Variants in CSRP1 observed in about 807,000 individuals in gnomAD.
CSRP1 encodes cysteine and glycine rich protein 1, also known as cysteine and glycine-rich protein 1.
Under a neutral mutation model 25.4 loss-of-function variants are expected in CSRP1, and 16 were observed. The ratio of observed to expected loss-of-function variants is 0.63; its 90% CI spans 0.43 to 0.96. The LOEUF (loss-of-function observed/expected upper bound fraction) is 0.96, where lower values mean the gene tolerates loss of function less well. Ranked by LOEUF, CSRP1 falls within the 40% of genes least tolerant of loss-of-function variation. The pLI is 0.00. For missense variants in CSRP1, 212 were observed against 243.6 expected (o/e 0.87, Z 0.86); for synonymous variants, 97 against 95.3 (o/e 1.02, Z -0.10).
intron 1 of CSRP1, among the ~76,000 whole-genome samples, chr1:201,505,919 T>C (rs1292518470): frequency 6.6e-6 from 1 of 152,152 alleles, no homozygotes; most frequent in Non-Finnish European, 1.5e-5. Flanking sequence ...CCAGCCTCCT[T>C]AGCTTCTGGG....
chr1:201,501,380 T>A (rs1421578073), intron 1 of CSRP1, among the ~76,000 whole-genome samples: 1 of 152,264 alleles, frequency 6.6e-6, no homozygotes, highest in African/African-American at 2.4e-5. Flanking sequence ...CTTTGGGGTT[T>A]AGCTCCCCCC....
Position 201,505,136 on chromosome 1 carries a change from G to A in CSRP1, c.-2+1934C>T, listed in dbSNP as rs572040213. On this transcript the variant is annotated intron_variant, in intron 1 of 5. Coordinates refer to ENST00000340006, the MANE Select transcript of CSRP1 (RefSeq NM_004078.3). The stretch of plus-strand genomic sequence containing the variant: ...ACAAAAAAGCCCAAAAAAAACCTAC[G>A]CCTTTTTTCTCTCACCTGCTTGTCA... 7.2e-5 allele frequency among the ~76,000 whole-genome samples: 11 copies of A among 152,188 alleles called. No individual in the cohort carries two copies. The East Asian group carries it at 1.9e-3, about 27-fold the overall frequency.
intron 2 of CSRP1, among the ~76,000 whole-genome samples, chr1:201,493,143 C>A (rs1188557258): frequency 6.6e-6 from 1 of 152,202 alleles, no homozygotes; most frequent in Admixed American, 6.5e-5. Context: ...TCTGAACCAC[C>A]ACCTGCTCAT....
At chr1:201,502,931 T>G (rs1213388878) in intron 1 of CSRP1, among the ~76,000 whole-genome samples, 1 of 151,378 alleles carries the variant, frequency 6.6e-6, no homozygotes, top group Non-Finnish European at 1.5e-5. Context: ...GGTCAGGAGT[T>G]TGAGACCAGC....
rs1002657870 is a variant in CSRP1 at position 201,484,284 on chromosome 1, C to G, written c.*429G>C. The G allele has an allele frequency of 1.2e-5, 6 of 510,996 alleles. No homozygotes were observed. Among genetic ancestry groups the G allele is most frequent in the Non-Finnish European group, 2.1e-5 (6 of 285,296 alleles). The allele number at this position is 510,996 out of a possible 1,614,324, so 31.7% of individuals were successfully genotyped here. A position where few individuals can be genotyped will look rare whatever the true frequency, so the allele number is the denominator to read the frequency against. On this transcript the variant is annotated 3_prime_UTR_variant, in exon 6 of 6. Transcript: ENST00000340006. ...AGGAGAATCTCTGAGATCCAAAAAA[C>G]CCAGCCTTCCCCCCTCCTCATCTTG...
At chr1:201,493,879 T>C (rs1051566020) in intron 2 of CSRP1, among the ~76,000 whole-genome samples, 1 of 152,198 alleles carries the variant, frequency 6.6e-6, no homozygotes, top group African/African-American at 2.4e-5. Context: ...CTTCCATTCA[T>C]AAACAAATCT....
intron 4 of CSRP1, chr1:201,486,532 C>T (rs1664149511): frequency 1.0e-6 from 1 of 985,894 alleles, no homozygotes; most frequent in African/African-American, 1.7e-5. Context: ...GGACCTGGGT[C>T]TAGGTCAGTG....
intron 1 of CSRP1, among the ~76,000 whole-genome samples, chr1:201,498,095 T>C (rs1571785123): frequency 6.6e-6 from 1 of 152,036 alleles, no homozygotes; most frequent in Non-Finnish European, 1.5e-5. Flanking sequence ...CAAGGCACAG[T>C]ACTTGGCACA....
chr1:201,484,242 C>CA lies in CSRP1; in HGVS notation c.*470dup. 1 of 509,566 alleles carries CA rather than the reference C, an allele frequency of 2.0e-6. No homozygotes were observed. The highest frequency in any genetic ancestry group is 3.5e-6 in the Non-Finnish European group (1 of 283,736). 31.6% of individuals were successfully genotyped at this position (509,566 alleles called of 1,614,324 possible). ...TTACTCTGAGGGACACCAGGAAGCT[C>CA]AACCTCTTTCCCACAGAGGAGAATC... On this transcript the variant is annotated 3_prime_UTR_variant, in exon 6 of 6. Transcript: ENST00000340006.
intron 1 of CSRP1, chr1:201,496,646 A>C (rs1571783658): frequency 9.5e-6 from 3 of 317,064 alleles, no homozygotes; most frequent in East Asian, 7.4e-5. Context: ...CTACCCCTAC[A>C]CACGTCAACA....
intron 1 of CSRP1, 117 bp from the exon 2 acceptor site, chr1:201,496,421 C>G: frequency 1.2e-5 from 10 of 847,070 alleles, no homozygotes; most frequent in Non-Finnish European, 1.7e-5. Flanking sequence ...AAGTAGAATG[C>G]CTGGGGGGCC....
chr1:201,488,475 T>A, intron 4 of CSRP1: 1 of 155,310 alleles, frequency 6.4e-6, no homozygotes, highest in Non-Finnish European at 1.4e-5. Flanking sequence ...TAATAAAAGC[T>A]ATGGATCTTC....
intron 1 of CSRP1, among the ~76,000 whole-genome samples, chr1:201,505,418 G>A (rs913555932): frequency 5.9e-5 from 9 of 152,188 alleles, no homozygotes; most frequent in African/African-American, 1.7e-4. Flanking sequence ...ACAGACCACA[G>A]GCAAATAGGC....
At chr1:201,494,792 T>C (rs916021558) in intron 2 of CSRP1, among the ~76,000 whole-genome samples, 14 of 152,134 alleles carry the variant, frequency 9.2e-5, no homozygotes, top group Non-Finnish European at 1.5e-4. Flanking sequence ...CTTCTTTGTA[T>C]CACACCATCT....
intron 5 of CSRP1, 101 bp from the exon 6 acceptor site, chr1:201,484,890 A>G (rs1358097886): frequency 5.9e-6 from 6 of 1,017,646 alleles, no homozygotes; most frequent in Non-Finnish European, 8.9e-6. Flanking sequence ...GCCCAGCCAG[A>G]CTGCTAGGGA....
rs755432777 is a variant in CSRP1 at position 201,484,767 on chromosome 1, C to T, written c.528G>A (p.Gly176=). The T allele has an allele frequency of 4.3e-6, 7 of 1,611,992 alleles. No individual in the cohort carries two copies. The highest frequency in any genetic ancestry group is 5.9e-6 in the Non-Finnish European group (7 of 1,179,702). Residue 176 remains glycine, a synonymous_variant, in exon 6 of 6, where the codon GGG becomes GGA. Coordinates refer to ENST00000340006, the MANE Select transcript of CSRP1 (RefSeq NM_004078.3). ...CTTGCCCAAAACCAAAGCCCTTGGGCCCGAAGTTTTTAGCATAACATCCTG... is the reference window on the plus strand; with the variant it reads ...CTTGCCCAAAACCAAAGCCCTTGGGTCCGAAGTTTTTAGCATAACATCCTG... ...YCKGCYAKNF[G]PKGFGFGQGA...
At position 201,496,386 on chromosome 1, in the gene CSRP1, C is replaced by T. The variant is rs1664516564; in HGVS notation, c.-1-82G>A. Reference sequence around the variant, plus strand: ...ATTGTCCACGACAGAAATGCAACAGCCAGATCCAGAGGAGAGAAAGACAAA... The same window carrying T: ...ATTGTCCACGACAGAAATGCAACAGTCAGATCCAGAGGAGAGAAAGACAAA... On this transcript the variant is annotated intron_variant, in intron 1 of 5. Coordinates refer to ENST00000340006, the MANE Select transcript of CSRP1 (RefSeq NM_004078.3). The T allele has an allele frequency of 2.6e-6, 3 of 1,171,746 alleles. No homozygotes were observed. In the East Asian group the frequency reaches 7.0e-5, roughly 27 times the overall value. The allele number at this position is 1,171,746 out of a possible 1,614,324, so 72.6% of individuals were successfully genotyped here.
At position 201,484,304 on chromosome 1, in the gene CSRP1, A is replaced by C. The variant is rs1236300395; in HGVS notation, c.*409T>G. ...AAAAACCCAGCCTTCCCCCCTCCTC[A>C]TCTTGGTCTTGCTTCCCTCTCCCTC... On this transcript the variant is annotated 3_prime_UTR_variant, in exon 6 of 6. Coordinates refer to ENST00000340006, the MANE Select transcript of CSRP1 (RefSeq NM_004078.3). The C allele has an allele frequency of 6.3e-5, 32 of 507,732 alleles. No individual in the cohort carries two copies. The highest frequency in any genetic ancestry group is 6.7e-5 in the Non-Finnish European group (19 of 283,476). 31.5% of individuals were successfully genotyped at this position (507,732 alleles called of 1,614,324 possible).
intron 2 of CSRP1, chr1:201,492,974 G>C (rs1664386606): frequency 6.6e-6 from 1 of 152,336 alleles, no homozygotes; most frequent in African/African-American, 2.4e-5. Context: ...GGGCCAACCT[G>C]TGGGGCCCTG....
Sources: allele counts gnomAD v4.1 joint callset (sites outside exome capture counted in the v4.1 genomes callset), GRCh38; gene constraint gnomAD v4.1.1; transcripts MANE v1.5; gene names NCBI Gene and HGNC (gene_info 2026-07-23, HGNC 2026-07-21).